Variants in CHL1 observed in about 807,000 individuals in gnomAD.
The protein encoded by CHL1 is cell adhesion molecule L1 like.
CHL1 carries 96 observed loss-of-function variants against 141.9 expected under a neutral mutation model. That is an observed-to-expected ratio of 0.68 (90% CI 0.57 to 0.80). The LOEUF (loss-of-function observed/expected upper bound fraction) is 0.80. CHL1 is among the 30% of genes least tolerant of loss of function. The pLI, the probability that CHL1 is intolerant of heterozygous loss-of-function variation, is 0.00. For synonymous variants in CHL1, 613 were observed against 502.2 expected (o/e 1.22, Z -2.95); for missense variants, 1,820 against 1,457.2 (o/e 1.25, Z -4.05).
intron 1 of CHL1, among the ~76,000 whole-genome samples, chr3:238,749 A>AC (rs1472838091): frequency 7.0e-6 from 1 of 141,884 alleles, no homozygotes; most frequent in Non-Finnish European, 1.5e-5. Flanking sequence ...ACATGGTGAA[A>AC]CCCCGTCTCT....
Position 319,759 on chromosome 3 carries a change from T to G in CHL1, c.-18T>G. On this transcript the variant is annotated 5_prime_UTR_variant, in exon 3 of 28. Transcript: ENST00000256509. ...TAAGATTTTCATTCTTACCGGGTTG[T>G]CTTCTTCCTGAAGAGCAATGGAGCC... is the stretch of plus-strand genomic sequence containing the variant. 1 of 1,541,690 alleles carries G rather than the reference T, an allele frequency of 6.5e-7. No individual in the cohort carries two copies. The highest frequency in any genetic ancestry group is 8.9e-7 in the Non-Finnish European group (1 of 1,117,624).
chr3:333,662 C>G (rs911759979), intron 5 of CHL1, among the ~76,000 whole-genome samples: 3 of 152,200 alleles, frequency 2.0e-5, no homozygotes, highest in African/African-American at 7.2e-5. Context: ...ACACCAGCCA[C>G]TTTCTAGTAA....
chr3:359,062 T>C (rs1703974263), intron 11 of CHL1, among the ~76,000 whole-genome samples: 1 of 149,468 alleles, frequency 6.7e-6, no homozygotes, highest in Admixed American at 6.7e-5. Flanking sequence ...TAGATAAAGA[T>C]ATACACATAC....
At chr3:304,488 AATTT>A (rs1699050723) in intron 2 of CHL1, among the ~76,000 whole-genome samples, 1 of 152,098 alleles carries the variant, frequency 6.6e-6, no homozygotes. Context: ...TGTGTCCAGG[AATTT>A]ATCCATTTCT....
chr3:284,318 TA>T (rs983600027), intron 2 of CHL1, among the ~76,000 whole-genome samples: 1 of 152,184 alleles, frequency 6.6e-6, no homozygotes, highest in Admixed American at 6.5e-5. Context: ...GTGAAAAATT[TA>T]TTCATTAATT....
chr3:207,748 T>C (rs549716189), intron 1 of CHL1, among the ~76,000 whole-genome samples: 1 of 152,326 alleles, frequency 6.6e-6, no homozygotes, highest in African/African-American at 2.4e-5. Flanking sequence ...TTGACCCCAT[T>C]TTCTTCGTGA....
At chr3:366,383 A>G (rs545189379) in intron 15 of CHL1, among the ~76,000 whole-genome samples, 22 of 151,988 alleles carry the variant, frequency 1.4e-4, no homozygotes, top group Admixed American at 5.9e-4. Context: ...GTGCACAAGA[A>G]TCACTTGAAC....
At chr3:260,178 C>A (rs993797802) in intron 2 of CHL1, among the ~76,000 whole-genome samples, 2 of 152,112 alleles carry the variant, frequency 1.3e-5, no homozygotes, top group African/African-American at 4.8e-5. Flanking sequence ...GCAAGAGAAT[C>A]ACTTGAACCC....
chr3:392,506 G>A (rs539260671), intron 23 of CHL1, among the ~76,000 whole-genome samples: 2 of 152,212 alleles, frequency 1.3e-5, no homozygotes, highest in African/African-American at 2.4e-5. Context: ...TTTAATAGCA[G>A]CGCGTTCCCT....
chr3:289,865 TC>T (rs1459644823), intron 2 of CHL1, among the ~76,000 whole-genome samples: 2 of 150,666 alleles, frequency 1.3e-5, no homozygotes, highest in African/African-American at 2.4e-5. Flanking sequence ...CTTTCGAGCA[TC>T]AAATATACCA....
intron 18 of CHL1, 100 bp from the exon 19 acceptor site, chr3:383,716 C>G: frequency 1.4e-6 from 1 of 709,694 alleles, no homozygotes; most frequent in Non-Finnish European, 2.5e-6. Context: ...TACAATCAAA[C>G]TTACTTAATT....
At chr3:269,167 AG>A (rs1192507356) in intron 2 of CHL1, among the ~76,000 whole-genome samples, 2 of 152,216 alleles carry the variant, frequency 1.3e-5, no homozygotes, top group Non-Finnish European at 2.9e-5. Context: ...GTGCACAAAA[AG>A]TTTTGGAGGC....
chr3:249,039 A>AG (rs1693440018), intron 2 of CHL1, among the ~76,000 whole-genome samples: 1 of 152,210 alleles, frequency 6.6e-6, no homozygotes, highest in South Asian at 2.1e-4. Context: ...TTCTTGCTGG[A>AG]GAAAAATACC....
In CHL1 at chr3:197,025, G is replaced by C. The variant is rs1698384970; in HGVS notation, c.-213G>C. 1 of 152,196 alleles carries C rather than the reference G, an allele frequency of 6.6e-6. No homozygotes were observed. Among genetic ancestry groups the C allele is most frequent in the Admixed American group, 6.5e-5 (1 of 15,288 alleles). The allele number at this position is 152,196 out of a possible 1,614,324, so 9.4% of individuals were successfully genotyped here. A position where few individuals can be genotyped will look rare whatever the true frequency, so the allele number is the denominator to read the frequency against. ...CGGCTCGGGGGAGAAGGCGCCCGAG[G>C]GGAGGCGCCGGACAGATCGCGTTTC... On this transcript the variant is annotated 5_prime_UTR_variant, in exon 1 of 28. Coordinates refer to ENST00000256509, the MANE Select transcript of CHL1 (RefSeq NM_006614.4).
At chr3:241,775 C>A (rs1692591157) in intron 1 of CHL1, among the ~76,000 whole-genome samples, 1 of 151,742 alleles carries the variant, frequency 6.6e-6, no homozygotes. Context: ...CCTCTCCATT[C>A]TTGTTTTACA....
intron 11 of CHL1, 55 bp from the exon 12 acceptor site, chr3:360,229 A>G: frequency 6.3e-7 from 1 of 1,586,334 alleles, no homozygotes; most frequent in Non-Finnish European, 8.6e-7. Context: ...TAAATGGTGT[A>G]TAAATATTTT....
intron 1 of CHL1, among the ~76,000 whole-genome samples, chr3:234,760 C>G (rs73815949): frequency 0.013 from 1,972 of 152,192 alleles, 43 homozygotes; most frequent in African/African-American, 0.045. Context: ...ATTTTGGGGA[C>G]ACAGGGCTCC....
At chr3:307,712 C>G (rs890717820) in intron 2 of CHL1, among the ~76,000 whole-genome samples, 1 of 152,004 alleles carries the variant, frequency 6.6e-6, no homozygotes, top group Non-Finnish European at 1.5e-5. Flanking sequence ...AGTGATTAAG[C>G]CATACTTACA....
At chr3:391,910 G>T in intron 23 of CHL1, 113 bp downstream of exon 23, 4 of 836,062 alleles carry the variant, frequency 4.8e-6, no homozygotes, top group Non-Finnish European at 5.3e-6. Flanking sequence ...TTTGTAAGCT[G>T]CCGTTCTTCC....
Sources: gnomAD v4.1 joint callset for allele counts (sites outside exome capture counted in the v4.1 genomes callset) on GRCh38, gnomAD v4.1.1 for gene constraint, MANE v1.5 for transcripts, NCBI Gene and HGNC (gene_info 2026-07-23, HGNC 2026-07-21) for gene names.